The following FRMPD3 variants were observed in gnomAD, a reference collection of about 807,000 sequenced individuals.
The protein encoded by FRMPD3 is FERM and PDZ domain containing 3, also known as FERM and PDZ domain-containing protein 3.
FRMPD3 carries 42 observed loss-of-function variants against 97.9 expected under a neutral mutation model. The ratio of observed to expected loss-of-function variants is 0.43; its 90% confidence interval spans 0.34 to 0.55. The LOEUF (loss-of-function observed/expected upper bound fraction) is 0.55, where lower values mean the gene tolerates loss of function less well. FRMPD3 is among the 20% of genes least tolerant of loss of function. The pLI, the probability that FRMPD3 is intolerant of heterozygous loss-of-function variation, is 0.03. For synonymous variants in FRMPD3, 577 were observed against 581.1 expected, an observed-to-expected ratio of 0.99 and a Z score of 0.10; for missense variants, 1,303 against 1,457.7, an observed-to-expected ratio of 0.89 and a Z score of 1.73.
At chrX:107,544,603 A>C (rs1239872905) in intron 4 of FRMPD3, 1 of 110,969 alleles carries the variant, frequency 9.0e-6, no homozygotes, top group Non-Finnish European at 1.9e-5. Flanking sequence ...CCCTTGCTAA[A>C]TTTGTCAAAA....
At chrX:107,571,487 G>A (rs2147611297) in intron 12 of FRMPD3, among the ~76,000 whole-genome samples, 1 of 112,347 alleles carries the variant, frequency 8.9e-6, no homozygotes, top group African/African-American at 3.2e-5. Context: ...ATGACAAGGA[G>A]AGGCTCCTGA....
intron 1 of FRMPD3, among the ~76,000 whole-genome samples, chrX:107,488,309 T>C: frequency 8.9e-6 from 1 of 112,206 alleles, no homozygotes; most frequent in Non-Finnish European, 1.9e-5. Flanking sequence ...ATGTCTCCAC[T>C]TGCTCTGAGA....
At chrX:107,576,951 T>C (rs1343407248) in intron 13 of FRMPD3, among the ~76,000 whole-genome samples, 2 of 109,818 alleles carry the variant, frequency 1.8e-5, no homozygotes, top group African/African-American at 3.3e-5. Context: ...CCAGAAATAA[T>C]GAGTGAAGCT....
intron 1 of FRMPD3, among the ~76,000 whole-genome samples, chrX:107,505,373 T>C (rs1305536670): frequency 1.8e-5 from 2 of 111,950 alleles, no homozygotes; most frequent in East Asian, 2.8e-4. Flanking sequence ...CTTCCAGCCC[T>C]GTAATTTTTC....
intron 12 of FRMPD3, among the ~76,000 whole-genome samples, chrX:107,569,302 A>G (rs183333797): frequency 0.045 from 4,811 of 105,962 alleles, 274 homozygotes; most frequent in African/African-American, 0.16. Context: ...CTCAAAAAAA[A>G]AAAAAAAAAA....
At chrX:107,537,109 T>C (rs1344995447) in intron 4 of FRMPD3, among the ~76,000 whole-genome samples, 1 of 111,745 alleles carries the variant, frequency 8.9e-6, no homozygotes, top group African/African-American at 3.3e-5. Context: ...GCCCCTTTGC[T>C]GCGGCCAGGC....
chrX:107,535,856 C>T (rs1424908137), intron 4 of FRMPD3, among the ~76,000 whole-genome samples: 2 of 110,138 alleles, frequency 1.8e-5, no homozygotes, highest in Admixed American at 9.7e-5. Flanking sequence ...CGTTGCATGC[C>T]TGTGTCAAAG....
At chrX:107,589,399 T>A (rs1221365369) in intron 13 of FRMPD3, among the ~76,000 whole-genome samples, 1 of 110,974 alleles carries the variant, frequency 9.0e-6, no homozygotes, top group Non-Finnish European at 1.9e-5. Flanking sequence ...GCCCTATTCA[T>A]CTGGTTCACT....
intron 12 of FRMPD3, among the ~76,000 whole-genome samples, chrX:107,572,910 A>G (rs1290625403): frequency 9.9e-6 from 1 of 101,099 alleles, no homozygotes; most frequent in Non-Finnish European, 2.1e-5. Context: ...TACTACTACT[A>G]ATAATAATAA....
At chrX:107,467,962 T>C in intron 1 of FRMPD3, among the ~76,000 whole-genome samples, 1 of 111,991 alleles carries the variant, frequency 8.9e-6, no homozygotes, top group Non-Finnish European at 1.9e-5. Flanking sequence ...TTTGACTTCT[T>C]TGTGGCTTCT....
chrX:107,482,627 G>A (rs939398751), intron 1 of FRMPD3, among the ~76,000 whole-genome samples: 1 of 111,554 alleles, frequency 9.0e-6, no homozygotes, highest in African/African-American at 3.3e-5. Flanking sequence ...GAACAGGAAG[G>A]AACTTACTCC....
At chrX:107,555,063 A>G (rs1278434534) in intron 8 of FRMPD3, 1 of 114,293 alleles carries the variant, frequency 8.7e-6, no homozygotes, top group African/African-American at 3.2e-5. Flanking sequence ...GAGATGGTGC[A>G]GGCTTCATGG....
At chrX:107,559,446 A>G (rs1041237307) in intron 8 of FRMPD3, among the ~76,000 whole-genome samples, 14 of 112,062 alleles carry the variant, frequency 1.2e-4, no homozygotes, top group Non-Finnish European at 2.6e-4. Flanking sequence ...ATACCAAGGG[A>G]AAACTGTAGT....
At chrX:107,480,491 G>T (rs187634885) in intron 1 of FRMPD3, among the ~76,000 whole-genome samples, 99 of 110,850 alleles carry the variant, frequency 8.9e-4, no homozygotes, top group Non-Finnish European at 3.0e-4. Context: ...CCTCCTATGG[G>T]CCATGGTGGT....
chrX:107,471,306 TTCCCTCCC>T (rs371193028), intron 1 of FRMPD3, among the ~76,000 whole-genome samples: 1 of 92,648 alleles, frequency 1.1e-5, no homozygotes, highest in Non-Finnish European at 2.1e-5. Context: ...CCTTCTTTCC[TTCCCTCCC>T]TCCCTCCCTT....
chrX:107,455,671 A>G (rs1931364538), intron 1 of FRMPD3, among the ~76,000 whole-genome samples: 1 of 111,974 alleles, frequency 8.9e-6, no homozygotes, highest in African/African-American at 3.3e-5. Flanking sequence ...CTCAATAGGC[A>G]TATGTTGAAT....
chrX:107,603,841 C>T lies in FRMPD3; in HGVS notation c.*468C>T, dbSNP rs1270450008. The T allele has an allele frequency of 8.2e-6, 1 of 121,845 alleles. No homozygotes were observed. Among genetic ancestry groups the T allele is most frequent in the Non-Finnish European group, 1.7e-5 (1 of 59,055 alleles). 10.0% of individuals were successfully genotyped at this position (121,845 alleles called of 1,213,427 possible). ...TGCCGTGCCGAGGGGAGAGGGCGCT[C>T]AGTCCAGATGTCCCCATCCACCTTG... is the stretch of plus-strand genomic sequence containing the variant. On this transcript the variant is annotated 3_prime_UTR_variant, in exon 15 of 15. Transcript: ENST00000683843.
At chrX:107,570,264 A>G (rs1283236247) in intron 12 of FRMPD3, among the ~76,000 whole-genome samples, 1 of 94,441 alleles carries the variant, frequency 1.1e-5, no homozygotes, top group Non-Finnish European at 1.9e-5. Flanking sequence ...CCAGCACACA[A>G]CTGCATAGGT....
intron 13 of FRMPD3, among the ~76,000 whole-genome samples, chrX:107,592,526 G>A (rs912543020): frequency 7.2e-5 from 8 of 111,465 alleles, no homozygotes; most frequent in Non-Finnish European, 9.4e-5. Flanking sequence ...TCATCTGCTC[G>A]TTGATTGATG....
Sources: allele counts gnomAD v4.1 joint callset (sites outside exome capture counted in the v4.1 genomes callset), GRCh38; gene constraint gnomAD v4.1.1; transcripts MANE v1.5; gene names NCBI Gene and HGNC (gene_info 2026-07-23, HGNC 2026-07-21).